The following SV2C variants were observed in gnomAD, a reference collection of about 807,000 sequenced individuals.
The protein encoded by SV2C is solute carrier family 22 member B3.
SV2C carries 49 observed loss-of-function variants against 79.7 expected under a neutral mutation model. The observed-to-expected ratio is 0.61, with a 90% CI of 0.49 to 0.78. The LOEUF (loss-of-function observed/expected upper bound fraction) is 0.78, where lower values mean the gene tolerates loss of function less well. Ranked by LOEUF, SV2C falls within the 30% of genes least tolerant of loss-of-function variation. SV2C has a pLI of 0.00. For missense variants in SV2C, 833 were observed against 912.9 expected (o/e 0.91, Z 1.13); for synonymous variants, 334 against 333.2 (o/e 1.00, Z -0.03).
At chr5:76,180,049 A>G (rs1463857915) in intron 2 of SV2C, among the ~76,000 whole-genome samples, 1 of 152,166 alleles carries the variant, frequency 6.6e-6, no homozygotes, top group East Asian at 1.9e-4. Flanking sequence ...CTTTGAGTTC[A>G]TTTTCAGTCC....
chr5:76,189,088 A>G (rs1188391215), intron 2 of SV2C, among the ~76,000 whole-genome samples: 1 of 152,130 alleles, frequency 6.6e-6, no homozygotes, highest in East Asian at 1.9e-4. Context: ...CAAACCAAGC[A>G]TTTGACACAG....
intron 8 of SV2C, 45 bp from the exon 9 acceptor site, chr5:76,295,733 G>T (rs1253175736): frequency 2.5e-6 from 4 of 1,576,662 alleles, no homozygotes; most frequent in African/African-American, 1.4e-5. Flanking sequence ...CATTGCCTCT[G>T]GCATGCTAGT....
upstream of SV2C, chr5:76,079,472 G>A (rs1862519): frequency 3.5e-6 from 1 of 284,388 alleles, no homozygotes; most frequent in African/African-American, 2.3e-5. Context: ...AGAAGGGAGA[G>A]AATTGGATTG....
the SV2C span, among the ~76,000 whole-genome samples, chr5:76,071,701 A>C: frequency 6.6e-6 from 1 of 152,218 alleles, no homozygotes; most frequent in Non-Finnish European, 1.5e-5. Context: ...AGCTTACTAC[A>C]TGCATTTTTA....
the SV2C span, chr5:75,910,281 A>C: frequency 4.0e-6 from 2 of 494,218 alleles, no homozygotes; most frequent in African/African-American, 4.0e-5. Context: ...ATAAAAAATT[A>C]GTTTTCCATG....
intron 2 of SV2C, among the ~76,000 whole-genome samples, chr5:76,168,718 A>G (rs1743120885): frequency 2.0e-5 from 3 of 152,128 alleles, no homozygotes; most frequent in Admixed American, 2.0e-4. Context: ...TTCTCACAAG[A>G]TTTTCTCGTA....
Position 76,328,380 on chromosome 5 carries a change from G to A in SV2C, c.*2833G>A, listed in dbSNP as rs1366651597. ...TTGCTCTTTGGAATCAATCCAGAAT[G>A]CTCCCAAGTCCCATTATTATCACAG... On this transcript the variant is annotated 3_prime_UTR_variant, in exon 13 of 13. Transcript: ENST00000502798. The A allele has an allele frequency of 6.6e-6, 1 of 152,140 alleles. No individual in the cohort carries two copies. Among genetic ancestry groups the A allele is most frequent in the Admixed American group, 6.5e-5 (1 of 15,272 alleles). 9.4% of individuals were successfully genotyped at this position (152,140 alleles called of 1,614,324 possible).
At chr5:76,007,064 G>A in the SV2C span, among the ~76,000 whole-genome samples, 2 of 152,126 alleles carry the variant, frequency 1.3e-5, no homozygotes, top group African/African-American at 2.4e-5. Flanking sequence ...AAGGCACTGC[G>A]ATGTTGGATA....
the SV2C span, among the ~76,000 whole-genome samples, chr5:75,997,432 AT>A: frequency 0.82 from 124,641 of 151,758 alleles, 51,433 homozygotes; most frequent in Middle Eastern, 0.91. Context: ...AATTTTTGCA[AT>A]CTACTCATCT....
chr5:76,123,537 G>A (rs1748606316), intron 1 of SV2C, among the ~76,000 whole-genome samples: 1 of 152,162 alleles, frequency 6.6e-6, no homozygotes. Flanking sequence ...CCATGATCAA[G>A]TGGGCTTCAT....
At chr5:76,152,473 G>C (rs1749634182) in intron 2 of SV2C, among the ~76,000 whole-genome samples, 1 of 152,176 alleles carries the variant, frequency 6.6e-6, no homozygotes, top group South Asian at 2.1e-4. Flanking sequence ...CAAAATAGGA[G>C]AGGACTGGGT....
chr5:75,970,661 A>C, the SV2C span, among the ~76,000 whole-genome samples: 281 of 152,186 alleles, frequency 1.8e-3, 4 homozygotes, highest in African/African-American at 6.4e-3. Flanking sequence ...ATAATAGGCT[A>C]TGAAATTGAG....
the SV2C span, among the ~76,000 whole-genome samples, chr5:75,938,965 T>G: frequency 6.6e-6 from 1 of 152,116 alleles, no homozygotes; most frequent in African/African-American, 2.4e-5. Context: ...GGCAAAATGG[T>G]TCATAACCCT....
At chr5:76,138,701 C>G (rs527880056) in intron 2 of SV2C, among the ~76,000 whole-genome samples, 1 of 152,108 alleles carries the variant, frequency 6.6e-6, no homozygotes, top group Non-Finnish European at 1.5e-5. Context: ...ATCCTCCTGC[C>G]CAGATCAGTG....
intron 10 of SV2C, among the ~76,000 whole-genome samples, chr5:76,300,156 A>AATTATTATTATTATTATTATTATT (rs142593511): frequency 1.4e-5 from 2 of 139,686 alleles, no homozygotes. Context: ...TCAAATAAAA[A>AATTATTATTATTATTATTATTATT]ATTATTATTA....
rs1390100121 is a variant in SV2C, at chr5:76,146,795, TTTAA to T, written c.580+14466_580+14469del. ...AAGATGATAAAGGAATGAGTTTTTTTTTAAAAAAAAAAAAAAAAAAAAAAAGCCA... is the reference window on the plus strand; with the variant it reads ...AAGATGATAAAGGAATGAGTTTTTTTAAAAAAAAAAAAAAAAAAAAAGCCA... On this transcript the variant is annotated intron_variant, in intron 2 of 12. Coordinates refer to ENST00000502798, the MANE Select transcript of SV2C (RefSeq NM_014979.4). 4.0e-3 allele frequency among the ~76,000 whole-genome samples: 305 copies of T among 76,490 alleles called. 1 individual carries two copies. The highest frequency in any genetic ancestry group is 0.016 in the African/African-American group (298 of 18,188). The allele number at this position is 76,490 out of a possible 152,430, so 50.2% of individuals were successfully genotyped here. A position where few individuals can be genotyped will look rare whatever the true frequency, so the allele number is the denominator to read the frequency against.
intron 4 of SV2C, among the ~76,000 whole-genome samples, chr5:76,262,596 C>T (rs1429773971): frequency 6.6e-6 from 1 of 152,206 alleles, no homozygotes; most frequent in East Asian, 1.9e-4. Context: ...CTAAACACTG[C>T]TTTAGCTGTG....
the SV2C span, among the ~76,000 whole-genome samples, chr5:75,917,093 T>C: frequency 6.6e-6 from 1 of 152,198 alleles, no homozygotes; most frequent in Non-Finnish European, 1.5e-5. Flanking sequence ...CCTATCTCCC[T>C]TCCCACTCCT....
chr5:76,093,571 G>C (rs937220223), intron 1 of SV2C, among the ~76,000 whole-genome samples: 1 of 152,098 alleles, frequency 6.6e-6, no homozygotes, highest in Admixed American at 6.6e-5. Flanking sequence ...GTTCTTGCAC[G>C]GTCCTTTAGA....
Sources: gnomAD v4.1 joint callset for allele counts (sites outside exome capture counted in the v4.1 genomes callset) on GRCh38, gnomAD v4.1.1 for gene constraint, MANE v1.5 for transcripts, NCBI Gene and HGNC (gene_info 2026-07-23, HGNC 2026-07-21) for gene names.